Variants in GREB1 observed in about 807,000 individuals in gnomAD.
GREB1 encodes protein GREB1.
GREB1 carries 106 observed loss-of-function variants against 200.7 expected under a neutral mutation model. The observed-to-expected ratio is 0.53, with a 90% CI of 0.45 to 0.62. GREB1 has a LOEUF of 0.62. Ranked by LOEUF, GREB1 falls within the 20% of genes least tolerant of loss-of-function variation. GREB1 has a pLI of 0.00. For synonymous variants in GREB1, 1,132 were observed against 1,092.4 expected, an observed-to-expected ratio of 1.04 and a Z score of -0.72; for missense variants, 2,243 against 2,556.8, an observed-to-expected ratio of 0.88 and a Z score of 2.65.
At chr2:11,511,785 G>A (rs1298664285) in intron 1 of GREB1, among the ~76,000 whole-genome samples, 1 of 152,148 alleles carries the variant, frequency 6.6e-6, no homozygotes, top group Admixed American at 6.6e-5. Flanking sequence ...CTGTATTTTA[G>A]ACACCTAGTC....
chr2:11,589,851 A>G (rs1169214814), intron 10 of GREB1, among the ~76,000 whole-genome samples: 1 of 152,142 alleles, frequency 6.6e-6, no homozygotes, highest in East Asian at 1.9e-4. Context: ...AGCCAGGTGA[A>G]TGGTGGCAAT....
At chr2:11,542,881 C>T (rs751169508) in intron 1 of GREB1, 6 of 152,474 alleles carry the variant, frequency 3.9e-5, no homozygotes, top group Non-Finnish European at 7.3e-5. Flanking sequence ...ATTCTAACAG[C>T]GGTGGCATCC....
At chr2:11,626,215 C>T (rs1684439262) in intron 24 of GREB1, among the ~76,000 whole-genome samples, 1 of 152,114 alleles carries the variant, frequency 6.6e-6, no homozygotes, top group African/African-American at 2.4e-5. Flanking sequence ...GAATAGATCC[C>T]TTGCACTGAG....
intron 1 of GREB1, among the ~76,000 whole-genome samples, chr2:11,511,465 CAA>C (rs1197583864): frequency 6.6e-6 from 1 of 151,984 alleles, no homozygotes; most frequent in Non-Finnish European, 1.5e-5. Flanking sequence ...GGCATGGAGA[CAA>C]GATGGGAGTG....
intron 1 of GREB1, among the ~76,000 whole-genome samples, chr2:11,542,278 A>C (rs1674831855): frequency 6.6e-6 from 1 of 152,134 alleles, no homozygotes; most frequent in South Asian, 2.1e-4. Flanking sequence ...GAAGCTGTCC[A>C]TGTGTGGCTT....
intron 1 of GREB1, among the ~76,000 whole-genome samples, chr2:11,546,653 ATAGG>A (rs1296464990): frequency 2.6e-5 from 4 of 152,202 alleles, no homozygotes; most frequent in Admixed American, 2.0e-4. Flanking sequence ...TTCTGGGAGA[ATAGG>A]TAGAACCTGT....
chr2:11,609,546 G>T (rs1682732730), intron 17 of GREB1, among the ~76,000 whole-genome samples: 1 of 152,190 alleles, frequency 6.6e-6, no homozygotes, highest in Non-Finnish European at 1.5e-5. Flanking sequence ...TGCACCAGGG[G>T]TAGGTAGAGC....
intron 1 of GREB1, among the ~76,000 whole-genome samples, chr2:11,541,622 C>T (rs1007319197): frequency 6.6e-6 from 1 of 152,198 alleles, no homozygotes; most frequent in Non-Finnish European, 1.5e-5. Flanking sequence ...AGTCTTTAGT[C>T]CTCTTTGAGT....
intron 1 of GREB1, among the ~76,000 whole-genome samples, chr2:11,495,339 C>T (rs1372218025): frequency 2.0e-5 from 3 of 152,142 alleles, no homozygotes; most frequent in Non-Finnish European, 4.4e-5. Context: ...CAGAAATTTA[C>T]TAACTGGGTG....
chr2:11,491,728 C>G (rs368018492), intron 1 of GREB1, among the ~76,000 whole-genome samples: 7 of 152,180 alleles, frequency 4.6e-5, no homozygotes, highest in African/African-American at 1.7e-4. Flanking sequence ...AGCAGCCTCC[C>G]TGTCTGGTTC....
At chr2:11,598,612 T>A in intron 14 of GREB1, 68 bp from the exon 15 acceptor site, 3 of 1,396,780 alleles carry the variant, frequency 2.1e-6, no homozygotes, top group Non-Finnish European at 3.0e-6. Flanking sequence ...GCTCCTCAGG[T>A]GTCTGTTGAG....
intron 4 of GREB1, among the ~76,000 whole-genome samples, chr2:11,574,586 G>A (rs978947667): frequency 1.3e-5 from 2 of 152,196 alleles, no homozygotes; most frequent in African/African-American, 4.8e-5. Context: ...ATGAAGGCTA[G>A]GGGGCATTGG....
chr2:11,636,800 GCAGAGGCAGGGA>G (rs1558675337), intron 30 of GREB1, among the ~76,000 whole-genome samples: 3 of 143,522 alleles, frequency 2.1e-5, no homozygotes, highest in East Asian at 2.0e-4. Context: ...ATGGGCAGGG[GCAGAGGCAGGGA>G]CAGAGGCAGG....
chr2:11,492,614 A>G lies in GREB1; in HGVS notation c.-159+10233A>G, dbSNP rs76130358. On this transcript the variant is annotated intron_variant, in intron 1 of 2. Transcript: ENST00000628795. This position sits in a 1 kb window ranked among gnomAD's most constrained non-coding sequence, Gnocchi z 4.0. ...CTCACTGGGGCCTGTGAGTGCATGA[A>G]TGGGGGTGGGGACAGTGGGAATCAA... Among the ~76,000 whole-genome samples the G allele has an allele frequency of 0.034, 5,214 of 152,230 alleles. 302 individuals are homozygous for G. The highest frequency in any genetic ancestry group is 0.11 in the African/African-American group (4,699 of 41,526).
At chr2:11,552,053 C>T (rs1014483247) in intron 1 of GREB1, among the ~76,000 whole-genome samples, 9 of 152,206 alleles carry the variant, frequency 5.9e-5, no homozygotes, top group African/African-American at 2.2e-4. Flanking sequence ...TTCTAAGTGC[C>T]CATTTTACAG....
intron 1 of GREB1, among the ~76,000 whole-genome samples, chr2:11,491,654 G>T (rs4669736): frequency 3.9e-5 from 6 of 152,208 alleles, no homozygotes; most frequent in African/African-American, 7.2e-5. Context: ...CAGAATTTTC[G>T]TAAGACTGAA....
intron 9 of GREB1, chr2:11,587,602 C>A: frequency 2.7e-6 from 4 of 1,468,390 alleles, no homozygotes; most frequent in Non-Finnish European, 3.6e-6. Flanking sequence ...CAGCTTTACT[C>A]CCCGAGCCCA....
intron 11 of GREB1, among the ~76,000 whole-genome samples, chr2:11,593,959 C>T (rs1680978897): frequency 6.6e-6 from 1 of 152,136 alleles, no homozygotes; most frequent in Admixed American, 6.5e-5. Context: ...CATTTTCAGC[C>T]AGAATTTTTT....
intron 1 of GREB1, among the ~76,000 whole-genome samples, chr2:11,511,044 T>C (rs1673335839): frequency 6.6e-6 from 1 of 152,184 alleles, no homozygotes; most frequent in Admixed American, 6.5e-5. Flanking sequence ...TTTGTTTTGG[T>C]GCTCAAATTG....
Sources: allele counts gnomAD v4.1 joint callset (sites outside exome capture counted in the v4.1 genomes callset), GRCh38; gene constraint gnomAD v4.1.1; non-coding constraint Gnocchi (gnomAD v3.1); transcripts MANE v1.5; gene names NCBI Gene and HGNC (gene_info 2026-07-23, HGNC 2026-07-21).